PDE8B: variants seen among roughly 807,000 people sequenced by gnomAD.
PDE8B encodes high affinity cAMP-specific and IBMX-insensitive 3',5'-cyclic phosphodiesterase 8B.
PDE8B carries 26 observed loss-of-function variants against 101.3 expected under a neutral mutation model. The ratio of observed to expected loss-of-function variants is 0.26; its 90% CI spans 0.19 to 0.36. The LOEUF (loss-of-function observed/expected upper bound fraction) is 0.36, where lower values mean the gene tolerates loss of function less well. Among genes scored for constraint, PDE8B ranks in the 10% least tolerant of loss-of-function variants. The pLI is 1.00. For missense variants in PDE8B, 810 were observed against 1,163.1 expected, an observed-to-expected ratio of 0.70 and a Z score of 4.42; for synonymous variants, 424 against 429.3, an observed-to-expected ratio of 0.99 and a Z score of 0.15.
intron 1 of PDE8B, among the ~76,000 whole-genome samples, chr5:77,226,855 T>C (rs1752499622): frequency 6.6e-6 from 1 of 152,092 alleles, no homozygotes; most frequent in Admixed American, 6.6e-5. Context: ...CTGAGACAAA[T>C]TGTTTAGAGG....
chr5:77,377,317 G>A (rs957728184), intron 10 of PDE8B, among the ~76,000 whole-genome samples: 2 of 152,214 alleles, frequency 1.3e-5, no homozygotes. Flanking sequence ...GGCTAGGCTC[G>A]TGCTTCTCAA....
chr5:77,356,289 C>T (rs557481367), intron 10 of PDE8B, among the ~76,000 whole-genome samples: 14 of 152,252 alleles, frequency 9.2e-5, no homozygotes, highest in African/African-American at 3.4e-4. Flanking sequence ...TTTTCCTTTT[C>T]ACAAGGACAA....
intron 1 of PDE8B, among the ~76,000 whole-genome samples, chr5:77,226,159 T>C (rs1752353205): frequency 6.7e-6 from 1 of 149,082 alleles, no homozygotes; most frequent in Admixed American, 6.7e-5. Flanking sequence ...AGTTTAGTGT[T>C]ATAAGAATGT....
At chr5:77,161,514 G>C in the PDE8B span, among the ~76,000 whole-genome samples, 6 of 152,132 alleles carry the variant, frequency 3.9e-5, no homozygotes, top group East Asian at 1.2e-3. Flanking sequence ...TTGATGAACA[G>C]GAGGTTTTTC....
chr5:77,116,164 A>G, the PDE8B span, among the ~76,000 whole-genome samples: 1 of 149,930 alleles, frequency 6.7e-6, no homozygotes, highest in East Asian at 1.9e-4. Flanking sequence ...GGAAGATAGC[A>G]GTTTCCAAAG....
chr5:77,406,216 C>T lies in PDE8B; in HGVS notation c.1289-1165C>T, dbSNP rs532924733. 7.4e-4 allele frequency among the ~76,000 whole-genome samples: 112 copies of T among 152,138 alleles called. 1 individual carries two copies. Among genetic ancestry groups the T allele is most frequent in the African/African-American group, 2.6e-3 (107 of 41,524 alleles). On this transcript the variant is annotated intron_variant, in intron 12 of 21. Coordinates refer to ENST00000264917, the MANE Select transcript of PDE8B (RefSeq NM_003719.5). ...ATGGGATTCGCTTGAACCCAGGAGG[C>T]GGAGGTTGTGGTGAGCTAGATCGTG... is the stretch of plus-strand genomic sequence containing the variant.
chr5:77,183,980 T>TA, the PDE8B span, among the ~76,000 whole-genome samples: 129 of 150,554 alleles, frequency 8.6e-4, no homozygotes, highest in African/African-American at 1.7e-3. Flanking sequence ...TTTTTTTTTT[T>TA]AAAAAAAAAC....
At position 77,344,842 on chromosome 5, in the gene PDE8B, A is replaced by T. The variant is rs765306622; in HGVS notation, c.798-11A>T. On this transcript the variant is annotated splice_polypyrimidine_tract_variant and intron_variant, in intron 6 of 21. Coordinates refer to ENST00000264917, the MANE Select transcript of PDE8B (RefSeq NM_003719.5). ...ATAGAAGAACTAACTTCAATCTTTTATAACTTTCAGGGCCTGTAATTCAGT... is the reference window on the plus strand; with the variant it reads ...ATAGAAGAACTAACTTCAATCTTTTTTAACTTTCAGGGCCTGTAATTCAGT... 1 of 1,564,790 alleles carries T rather than the reference A, an allele frequency of 6.4e-7. No homozygotes were observed. The highest frequency in any genetic ancestry group is 8.8e-7 in the Non-Finnish European group (1 of 1,135,004).
At chr5:77,212,992 T>C (rs1199579240) in intron 1 of PDE8B, among the ~76,000 whole-genome samples, 2 of 152,214 alleles carry the variant, frequency 1.3e-5, no homozygotes, top group Non-Finnish European at 2.9e-5. Context: ...AATCTCAGTT[T>C]AGTACTTGGC....
chr5:77,098,293 T>TA, the PDE8B span, among the ~76,000 whole-genome samples: 1,365 of 145,120 alleles, frequency 9.4e-3, 9 homozygotes, highest in East Asian at 0.043. Flanking sequence ...TTTTTTTTTT[T>TA]AAAAAAAAAA....
At chr5:77,337,528 AT>A (rs982443318) in intron 6 of PDE8B, among the ~76,000 whole-genome samples, 24 of 152,188 alleles carry the variant, frequency 1.6e-4, no homozygotes, top group African/African-American at 5.5e-4. Flanking sequence ...TTTTGACAGT[AT>A]TTTCCACTAT....
At chr5:77,365,563 G>A (rs1403570190) in intron 10 of PDE8B, among the ~76,000 whole-genome samples, 1 of 152,218 alleles carries the variant, frequency 6.6e-6, no homozygotes, top group Non-Finnish European at 1.5e-5. Flanking sequence ...CTGGCACACA[G>A]AAAATATCTA....
the PDE8B span, among the ~76,000 whole-genome samples, chr5:77,096,128 T>G: frequency 6.6e-6 from 1 of 152,158 alleles, no homozygotes; most frequent in Admixed American, 6.5e-5. Flanking sequence ...TAGCTGGGAC[T>G]ACAGGCGCAC....
At chr5:77,340,731 A>G (rs1053021385) in intron 6 of PDE8B, among the ~76,000 whole-genome samples, 3 of 152,002 alleles carry the variant, frequency 2.0e-5, no homozygotes, top group Non-Finnish European at 4.4e-5. Context: ...ACAGAGGAAA[A>G]CACTGAGAAC....
chr5:77,095,689 A>G, the PDE8B span, among the ~76,000 whole-genome samples: 1 of 152,172 alleles, frequency 6.6e-6, no homozygotes, highest in African/African-American at 2.4e-5. Flanking sequence ...CTTCATCTTC[A>G]ACATTGTCTC....
chr5:77,116,277 G>C, the PDE8B span, among the ~76,000 whole-genome samples: 1 of 134,438 alleles, frequency 7.4e-6, no homozygotes. Context: ...TTTCACCCAG[G>C]CTGGAGTGCA....
chr5:77,363,076 A>C (rs957501130), intron 10 of PDE8B, among the ~76,000 whole-genome samples: 1 of 152,142 alleles, frequency 6.6e-6, no homozygotes, highest in Non-Finnish European at 1.5e-5. Flanking sequence ...TCCAAGTAAG[A>C]TGTCTTTCGT....
the PDE8B span, chr5:77,146,348 C>T: frequency 6.6e-6 from 1 of 151,328 alleles, no homozygotes; most frequent in South Asian, 2.1e-4. Flanking sequence ...CTCCTGGTTT[C>T]ACCCTTGTGG....
At chr5:77,214,937 ATCTG>A (rs1161604330) in intron 1 of PDE8B, among the ~76,000 whole-genome samples, 1 of 152,166 alleles carries the variant, frequency 6.6e-6, no homozygotes, top group Non-Finnish European at 1.5e-5. Context: ...GAATTAAATT[ATCTG>A]TCTGTTGACC....
Sources: allele counts gnomAD v4.1 joint callset (sites outside exome capture counted in the v4.1 genomes callset), GRCh38; gene constraint gnomAD v4.1.1; transcripts MANE v1.5; gene names NCBI Gene and HGNC (gene_info 2026-07-23, HGNC 2026-07-21).